The following CNNM1 variants were observed in gnomAD, a reference collection of about 807,000 sequenced individuals.
CNNM1 encodes the protein metal transporter CNNM1.
In CNNM1, 44 loss-of-function variants were observed where a neutral mutation model predicts 78.8. That is an observed-to-expected ratio of 0.56 (90% CI 0.44 to 0.72). The LOEUF (loss-of-function observed/expected upper bound fraction) is 0.72, where lower values mean the gene tolerates loss of function less well. Among genes scored for constraint, CNNM1 ranks in the 30% least tolerant of loss-of-function variants. CNNM1 has a pLI of 0.00. For synonymous variants in CNNM1, 584 were observed against 581.5 expected (o/e 1.00, Z -0.06); for missense variants, 1,101 against 1,292.2 (o/e 0.85, Z 2.27).
chr10:99,377,960 C>CTTTTTTT (rs66722952), intron 7 of CNNM1, among the ~76,000 whole-genome samples: 1 of 89,646 alleles, frequency 1.1e-5, no homozygotes, highest in African/African-American at 4.3e-5. Context: ...TCCATAGGTT[C>CTTTTTTT]TTTTTTTTTT....
In CNNM1 at chr10:99,350,654, G is replaced by A. The variant is rs560637514; in HGVS notation, c.1574-6858G>A. ...ATTTTTACATTTTTTTAAATTTCAGGTTCCGGGGTATATGTGCAGGATGTG... is the reference window on the plus strand; with the variant it reads ...ATTTTTACATTTTTTTAAATTTCAGATTCCGGGGTATATGTGCAGGATGTG... On this transcript the variant is annotated intron_variant, in intron 1 of 10. Coordinates refer to ENST00000356713, the MANE Select transcript of CNNM1 (RefSeq NM_020348.3). 1.5e-3 allele frequency among the ~76,000 whole-genome samples: 221 copies of A among 152,216 alleles called. 1 individual carries two copies. Among genetic ancestry groups the A allele is most frequent in the Non-Finnish European group, 2.6e-3 (175 of 68,022 alleles).
rs779848413 is a variant in CNNM1 at position 99,330,777 on chromosome 10, A to G, written c.1390A>G (p.Ile464Val). 6.2e-7 allele frequency: 1 copy of G among 1,614,062 alleles called. No homozygotes were observed. Among genetic ancestry groups the G allele is most frequent in the South Asian group, 1.1e-5 (1 of 91,074 alleles). The change falls in exon 1 of 11, where the codon ATC (isoleucine) becomes GTC (valine). Residue 464 changes from isoleucine (I) to valine (V), a missense_variant. Physicochemically the swap from Ile to Val is conservative, Grantham distance 29. Transcript: ENST00000356713. ...GATCCTGCGCAGCGGCTACACTCGCATCCCAGTGTACGAGGGTGACCAGCG... is the reference window on the plus strand; with the variant it reads ...GATCCTGCGCAGCGGCTACACTCGCGTCCCAGTGTACGAGGGTGACCAGCG... ...SEILRSGYTR[I>V]PVYEGDQRHN...
At chr10:99,355,316 C>T (rs759277968) in intron 1 of CNNM1, among the ~76,000 whole-genome samples, 1 of 151,848 alleles carries the variant, frequency 6.6e-6, no homozygotes, top group Non-Finnish European at 1.5e-5. Flanking sequence ...AGGAGATATA[C>T]CTAATGTTAA....
In CNNM1 at chr10:99,388,431, A is replaced by T. The variant is rs139931508; in HGVS notation, c.2674+130A>T. ...CGTGCGTTAAACCTCCGACCTCCTT[A>T]CACAGCCAGGGAAAGGAAACATTTA... On this transcript the variant is annotated intron_variant, in intron 9 of 10. Transcript: ENST00000356713. 3.3e-5 allele frequency: 33 copies of T among 1,010,442 alleles called. No individual in the cohort carries two copies. The African/African-American group carries it at 4.0e-4, about 12-fold the overall frequency. 62.6% of individuals were successfully genotyped at this position (1,010,442 alleles called of 1,614,324 possible). A position where few individuals can be genotyped will look rare whatever the true frequency, so the allele number is the denominator to read the frequency against.
Position 99,330,326 on chromosome 10 carries a change from G to A in CNNM1, c.939G>A (p.Gly313=). 1 of 1,598,872 alleles carries A rather than the reference G, an allele frequency of 6.3e-7. No homozygotes were observed. Among genetic ancestry groups the A allele is most frequent in the Non-Finnish European group, 8.5e-7 (1 of 1,173,696 alleles). ...TSLPPGFGGT[G]EDYSEEGIHF... Reference sequence around the variant, plus strand: ...TGCCGCCGGGCTTCGGGGGCACCGGGGAAGACTACAGCGAAGAGGGGATCC... The same window carrying A: ...TGCCGCCGGGCTTCGGGGGCACCGGAGAAGACTACAGCGAAGAGGGGATCC... Residue 313 remains glycine, a synonymous_variant, in exon 1 of 11, where the codon GGG becomes GGA. Coordinates refer to ENST00000356713, the MANE Select transcript of CNNM1 (RefSeq NM_020348.3).
At chr10:99,330,997 C>A (rs1178014645) in intron 1 of CNNM1, 37 bp downstream of exon 1, 9 of 1,562,464 alleles carry the variant, frequency 5.8e-6, no homozygotes, top group Middle Eastern at 1.7e-4. Flanking sequence ...AACTCCTATC[C>A]CCTTCAAAGG....
chr10:99,392,514 T>C lies in CNNM1; in HGVS notation c.*998T>C, dbSNP rs1244124125. On this transcript the variant is annotated 3_prime_UTR_variant, in exon 11 of 11. Transcript: ENST00000356713. ...GTTGAAGAATCATTCTTCTTTTTCA[T>C]GCATTTGTCCTTCTCCCACCCCCTT... 1 of 152,638 alleles carries C rather than the reference T, an allele frequency of 6.6e-6. No individual in the cohort carries two copies. Among genetic ancestry groups the C allele is most frequent in the Admixed American group, 6.5e-5 (1 of 15,284 alleles). The allele number at this position is 152,638 out of a possible 1,614,324, so 9.5% of individuals were successfully genotyped here.
At chr10:99,380,293 C>T (rs1448419168) in intron 7 of CNNM1, among the ~76,000 whole-genome samples, 1 of 152,082 alleles carries the variant, frequency 6.6e-6, no homozygotes, top group East Asian at 1.9e-4. Context: ...CCATTCATAT[C>T]AGAAGTTGAG....
At chr10:99,390,535 G>T in intron 10 of CNNM1, 128 bp downstream of exon 10, 2 of 687,272 alleles carry the variant, frequency 2.9e-6, no homozygotes, top group Non-Finnish European at 5.1e-6. Context: ...AGGTACAATT[G>T]TGGAAATCCG....
In CNNM1 at chr10:99,393,181, G is replaced by A. The variant is rs1408441620; in HGVS notation, c.*1665G>A. 4 of 152,290 alleles carry A rather than the reference G, an allele frequency of 2.6e-5. No homozygotes were observed. The highest frequency in any genetic ancestry group is 9.7e-5 in the African/African-American group (4 of 41,368). 9.4% of individuals were successfully genotyped at this position (152,290 alleles called of 1,614,324 possible). ...CCAAACCATTCCCAAACCTTTCCCC[G>A]TAGTATACCATCCAGCTTCCCTCCC... On this transcript the variant is annotated 3_prime_UTR_variant, in exon 11 of 11. Coordinates refer to ENST00000356713, the MANE Select transcript of CNNM1 (RefSeq NM_020348.3).
intron 1 of CNNM1, among the ~76,000 whole-genome samples, chr10:99,347,429 A>C (rs1021081853): frequency 3.4e-4 from 51 of 152,040 alleles, no homozygotes; most frequent in African/African-American, 1.2e-3. Context: ...GCTGAGGCAG[A>C]GAATCGCTTG....
At chr10:99,352,009 C>T (rs548868095) in intron 1 of CNNM1, among the ~76,000 whole-genome samples, 7 of 152,204 alleles carry the variant, frequency 4.6e-5, no homozygotes, top group African/African-American at 9.6e-5. Context: ...AAAACTCATC[C>T]TTTTAAAGTG....
At chr10:99,350,202 G>A (rs1189494238) in intron 1 of CNNM1, among the ~76,000 whole-genome samples, 1 of 152,154 alleles carries the variant, frequency 6.6e-6, no homozygotes, top group African/African-American at 2.4e-5. Flanking sequence ...GACACTCAAT[G>A]CTGTCTACCA....
In CNNM1 at chr10:99,364,495, A is replaced by T. The variant is rs1042273504; in HGVS notation, c.2107A>T (p.Ile703Phe). 2 of 1,611,924 alleles carry T rather than the reference A, an allele frequency of 1.2e-6. No individual in the cohort carries two copies. The highest frequency in any genetic ancestry group is 1.7e-6 in the Non-Finnish European group (2 of 1,179,090). Reference sequence around the variant, plus strand: ...CTTTACTTACTATGGCGTCCCAGCCATCATGACCACTGCTTGCTCAGGTAT... The same window carrying T: ...CTTTACTTACTATGGCGTCCCAGCCTTCATGACCACTGCTTGCTCAGGTAT... Reference protein sequence around the residue: ...GAFTYYGVPAIMTTACSDNDV... With the variant: ...GAFTYYGVPAFMTTACSDNDV... The change falls in exon 5 of 11, where the codon ATC (isoleucine) becomes TTC (phenylalanine). Residue 703 changes from isoleucine (I) to phenylalanine (F), a missense_variant. By Grantham distance (21) the Ile-to-Phe change is conservative (BLOSUM62 0). Around this residue, in one of 3 missense-constraint regions of CNNM1, gnomAD observed 348 missense variants for 384.5 expected, o/e 0.90. Coordinates refer to ENST00000356713, the MANE Select transcript of CNNM1 (RefSeq NM_020348.3).
intron 3 of CNNM1, 102 bp downstream of exon 3, chr10:99,361,077 G>T: frequency 1.6e-6 from 2 of 1,279,230 alleles, no homozygotes; most frequent in Non-Finnish European, 1.1e-6. Flanking sequence ...CCAGTGTGCT[G>T]TCAGGACTGA....
At chr10:99,367,773 T>C (rs1431394672) in intron 6 of CNNM1, among the ~76,000 whole-genome samples, 1 of 152,170 alleles carries the variant, frequency 6.6e-6, no homozygotes, top group Non-Finnish European at 1.5e-5. Flanking sequence ...CTGGTTTCAT[T>C]TAGCTCCTTA....
intron 6 of CNNM1, among the ~76,000 whole-genome samples, chr10:99,365,967 C>T (rs2031603494): frequency 6.6e-6 from 1 of 152,192 alleles, no homozygotes; most frequent in Non-Finnish European, 1.5e-5. Flanking sequence ...GGCCAAGATG[C>T]TTCCTGGTGT....
chr10:99,329,924 TG>T lies in CNNM1; in HGVS notation c.539del (p.Gly180AlafsTer54). The T allele has an allele frequency of 5.1e-6, 7 of 1,381,748 alleles. No homozygotes were observed. The highest frequency in any genetic ancestry group is 5.6e-6 in the Non-Finnish European group (6 of 1,075,962). The allele number at this position is 1,381,748 out of a possible 1,614,324, so 85.6% of individuals were successfully genotyped here. On this transcript the variant is annotated frameshift_variant, in exon 1 of 11. Transcript: ENST00000356713. LOFTEE classifies it high-confidence loss of function. ...GEAERGGAGG[G>X]GKLFSLCAWD... ...AAGCGGAGCGGGGCGGCGCGGGCGGTGGCGGGAAGCTCTTTTCACTCTGCGC... is the reference window on the plus strand; with the variant it reads ...AAGCGGAGCGGGGCGGCGCGGGCGGTGCGGGAAGCTCTTTTCACTCTGCGC...
chr10:99,364,140 A>G (rs2031530209), intron 4 of CNNM1, among the ~76,000 whole-genome samples: 1 of 152,206 alleles, frequency 6.6e-6, no homozygotes, highest in Non-Finnish European at 1.5e-5. Context: ...TTAGGCCTGC[A>G]TCATGGAAGG....
Sources: gnomAD v4.1 joint callset for allele counts (sites outside exome capture counted in the v4.1 genomes callset) on GRCh38, gnomAD v4.1.1 for gene constraint, gnomAD v4.1.1 regional missense constraint, MANE v1.5 for transcripts, NCBI Gene and HGNC (gene_info 2026-07-23, HGNC 2026-07-21) for gene names.